The following MMUT variants were observed in gnomAD, a reference collection of about 807,000 sequenced individuals.
The protein encoded by MMUT is methylmalonyl-CoA mutase.
MMUT carries 79 observed loss-of-function variants against 79.9 expected under a neutral mutation model. The ratio of observed to expected loss-of-function variants is 0.99; its 90% confidence interval spans 0.82 to 1.19. The LOEUF (loss-of-function observed/expected upper bound fraction) is 1.19, where lower values mean the gene tolerates loss of function less well. Among genes scored for constraint, MMUT ranks in the 50% most tolerant of loss-of-function variants. The probability of loss-of-function intolerance (pLI) is 0.00; values close to 1 mark genes in which losing one functional copy is unlikely to be tolerated. For missense variants in MMUT, 860 were observed against 917.2 expected (o/e 0.94, Z 0.81); for synonymous variants, 273 against 295.7 (o/e 0.92, Z 0.79).
intron 1 of MMUT, among the ~76,000 whole-genome samples, chr6:49,460,122 C>T (rs1767803287): frequency 6.6e-6 from 1 of 152,170 alleles, no homozygotes; most frequent in Non-Finnish European, 1.5e-5. Context: ...TCTTGCTCTT[C>T]CTTCTGCCTA....
intron 4 of MMUT, among the ~76,000 whole-genome samples, chr6:49,454,275 G>T (rs892412773): frequency 4.6e-5 from 7 of 152,088 alleles, no homozygotes; most frequent in African/African-American, 1.7e-4. Flanking sequence ...GTCTCTAAAG[G>T]CACAAAGCTT....
intron 9 of MMUT, among the ~76,000 whole-genome samples, chr6:49,442,472 T>C (rs1388533918): frequency 3.3e-5 from 5 of 152,130 alleles, no homozygotes; most frequent in African/African-American, 4.8e-5. Flanking sequence ...CTTGTTCTTA[T>C]AGACATTAAC....
intron 9 of MMUT, among the ~76,000 whole-genome samples, chr6:49,442,727 C>T (rs1329085566): frequency 6.6e-6 from 1 of 151,888 alleles, no homozygotes; most frequent in Non-Finnish European, 1.5e-5. Context: ...AAAAAGGAAG[C>T]ACTAAAAGCA....
At chr6:49,438,394 CTATTTGA>C in intron 11 of MMUT, among the ~76,000 whole-genome samples, 1 of 152,108 alleles carries the variant, frequency 6.6e-6, no homozygotes, top group East Asian at 1.9e-4. Flanking sequence ...GTTTATATTG[CTATTTGA>C]TTTCTTTTTC....
At chr6:49,433,616 C>T (rs1767044375) in intron 12 of MMUT, among the ~76,000 whole-genome samples, 1 of 152,136 alleles carries the variant, frequency 6.6e-6, no homozygotes, top group South Asian at 2.1e-4. Flanking sequence ...GCGACTGCTG[C>T]TAAGAGAGTT....
At chr6:49,455,360 T>C (rs1767660324) in intron 4 of MMUT, among the ~76,000 whole-genome samples, 2 of 152,178 alleles carry the variant, frequency 1.3e-5, no homozygotes, top group Non-Finnish European at 2.9e-5. Flanking sequence ...TGATCTCAAA[T>C]ACCCCAGAAA....
At chr6:49,441,002 T>C (rs1179948692) in intron 10 of MMUT, among the ~76,000 whole-genome samples, 1 of 152,210 alleles carries the variant, frequency 6.6e-6, no homozygotes, top group African/African-American at 2.4e-5. Flanking sequence ...AAATGCTTGC[T>C]TGCTCCACTG....
intron 6 of MMUT, among the ~76,000 whole-genome samples, chr6:49,450,606 T>A (rs1336486111): frequency 2.0e-5 from 3 of 152,206 alleles, no homozygotes; most frequent in Non-Finnish European, 2.9e-5. Context: ...TCAATGCTTA[T>A]AAACTTGCTT....
In MMUT at chr6:49,459,254, G is replaced by C. The variant is rs1397464862; in HGVS notation, c.213C>G (p.Pro71=). The C allele has an allele frequency of 6.2e-7, 1 of 1,614,158 alleles. No individual in the cohort carries two copies. The highest frequency in any genetic ancestry group is 8.5e-7 in the Non-Finnish European group (1 of 1,180,038). ...CCATAGTATCTCTCTTGGAATACAA[G>C]GGTTTTATAGAGATCCCTTCCGGGG... ...WHTPEGISIK[P]LYSKRDTMDL... The change falls in exon 2 of 13, where the codon CCC becomes CCG. Residue 71 remains proline (P), a synonymous_variant. Transcript: ENST00000274813.
Position 49,438,916 on chromosome 6 carries a change from C to T in MMUT, c.1956+1290G>A, listed in dbSNP as rs116639517. On this transcript the variant is annotated intron_variant, in intron 11 of 12. Transcript: ENST00000274813. ...CTCCAAATACTTCAGTTTGGGAACT[C>T]GGACTGGCTCTCCTTGCTCCTCAGC... Among the ~76,000 whole-genome samples the T allele has an allele frequency of 3.2e-3, 489 of 152,256 alleles. 6 individuals are homozygous for T. Among genetic ancestry groups the T allele is most frequent in the African/African-American group, 0.011 (457 of 41,546 alleles).
intron 9 of MMUT, among the ~76,000 whole-genome samples, chr6:49,442,534 A>C (rs1351184801): frequency 3.3e-5 from 5 of 152,212 alleles, no homozygotes; most frequent in African/African-American, 1.2e-4. Context: ...AAATAAATAA[A>C]CTAGTAAGAC....
chr6:49,433,562 A>G (rs941285431), intron 12 of MMUT, among the ~76,000 whole-genome samples: 1 of 152,304 alleles, frequency 6.6e-6, no homozygotes, highest in East Asian at 1.9e-4. Flanking sequence ...TCATGATGGA[A>G]GCAGGCATTG....
rs1245324707 is a variant in MMUT, at chr6:49,448,848, C to T, written c.1412G>A (p.Cys471Tyr). ...EGIPKLRIEE[C>Y]AARRQARIDS... ...TATTCTAGCTTGTCTTCGGGCAGCACATTCTTCAATTCGAAGTTTAGGTAT... is the reference window on the plus strand; with the variant it reads ...TATTCTAGCTTGTCTTCGGGCAGCATATTCTTCAATTCGAAGTTTAGGTAT... The change falls in exon 7 of 13, where the codon TGT (cysteine) becomes TAT (tyrosine). Residue 471 changes from cysteine (C) to tyrosine (Y), a missense_variant. Physicochemically the swap from Cys to Tyr is radical, Grantham distance 194. Coordinates refer to ENST00000274813, the MANE Select transcript of MMUT (RefSeq NM_000255.4). The T allele has an allele frequency of 6.2e-7, 1 of 1,613,586 alleles. No homozygotes were observed. Among genetic ancestry groups the T allele is most frequent in the Admixed American group, 1.7e-5 (1 of 59,994 alleles).
intron 12 of MMUT, among the ~76,000 whole-genome samples, chr6:49,435,043 C>G (rs911372497): frequency 2.0e-5 from 3 of 152,158 alleles, no homozygotes; most frequent in East Asian, 1.9e-4. Flanking sequence ...ATTCCACCCC[C>G]CAGGACAAGG....
intron 8 of MMUT, 29 bp from the exon 9 acceptor site, chr6:49,444,783 T>G (rs760130347): frequency 2.6e-6 from 4 of 1,531,232 alleles, no homozygotes; most frequent in Admixed American, 1.7e-5. Context: ...AAAGGGACAA[T>G]TTACATGAAG....
intron 2 of MMUT, 110 bp from the exon 3 acceptor site, chr6:49,458,168 T>C: frequency 9.4e-7 from 1 of 1,069,368 alleles, no homozygotes; most frequent in Admixed American, 2.4e-5. Context: ...CAGTACACTT[T>C]TATAACAACT....
At chr6:49,452,575 T>A (rs530171484) in intron 5 of MMUT, among the ~76,000 whole-genome samples, 1 of 152,134 alleles carries the variant, frequency 6.6e-6, no homozygotes, top group Non-Finnish European at 1.5e-5. Context: ...CCTTGTGATC[T>A]GCCCGCCTTG....
chr6:49,439,741 C>T (rs1205984219), intron 11 of MMUT, among the ~76,000 whole-genome samples: 1 of 152,138 alleles, frequency 6.6e-6, no homozygotes, highest in Non-Finnish European at 1.5e-5. Flanking sequence ...GGTCCCACAC[C>T]ACTGGACCCC....
At chr6:49,450,197 C>T (rs547150883) in intron 6 of MMUT, among the ~76,000 whole-genome samples, 1 of 149,456 alleles carries the variant, frequency 6.7e-6, no homozygotes, top group East Asian at 2.0e-4. Context: ...CGCCACTGCA[C>T]TCCAGCCTGG....
Sources: gnomAD v4.1 joint callset for allele counts (sites outside exome capture counted in the v4.1 genomes callset) on GRCh38, gnomAD v4.1.1 for gene constraint, MANE v1.5 for transcripts, NCBI Gene and HGNC (gene_info 2026-07-23, HGNC 2026-07-21) for gene names.